Variants in HADHB observed in about 807,000 individuals in gnomAD.
HADHB encodes the protein hydroxyacyl-CoA dehydrogenase trifunctional multienzyme complex subunit beta.
HADHB carries 50 observed loss-of-function variants against 61.9 expected under a neutral mutation model. That is an observed-to-expected ratio of 0.81 (90% CI 0.64 to 1.02). HADHB has a LOEUF of 1.02. HADHB is among the 50% of genes least tolerant of loss of function. HADHB has a pLI of 0.00. For missense variants in HADHB, 504 were observed against 586.5 expected, an observed-to-expected ratio of 0.86 and a Z score of 1.45; for synonymous variants, 191 against 201.6, an observed-to-expected ratio of 0.95 and a Z score of 0.45.
At chr2:26,272,386 C>T (rs1408362552) in intron 5 of HADHB, among the ~76,000 whole-genome samples, 1 of 144,544 alleles carries the variant, frequency 6.9e-6, no homozygotes, top group Non-Finnish European at 1.5e-5. Flanking sequence ...GCTCTTGTTG[C>T]GCAAATTGGA....
At chr2:26,278,523 G>C (rs1441588696) in intron 7 of HADHB, 91 bp from the exon 8 acceptor site, 5 of 1,070,974 alleles carry the variant, frequency 4.7e-6, no homozygotes, top group Middle Eastern at 2.4e-4. Context: ...GCTGATAACT[G>C]TCATTCAGCT....
intron 4 of HADHB, among the ~76,000 whole-genome samples, chr2:26,268,039 G>A (rs1379319790): frequency 6.6e-6 from 1 of 152,096 alleles, no homozygotes; most frequent in African/African-American, 2.4e-5. Context: ...CTACAAGGGA[G>A]GCCGAAGTGG....
chr2:26,284,179 CT>C lies in HADHB; in HGVS notation c.1128del (p.Phe376LeufsTer79). 1 of 1,583,904 alleles carries C rather than the reference CT, an allele frequency of 6.3e-7. No homozygotes were observed. The highest frequency in any genetic ancestry group is 8.7e-7 in the Non-Finnish European group (1 of 1,152,794). On this transcript the variant is annotated frameshift_variant, in exon 13 of 16. Transcript: ENST00000317799. LOFTEE classifies it high-confidence loss of function. ...GGATTGACCATGAATGATATTGATG[CT>C]TTTGAATTTCATGAAGCTTTCTCGG... ...KAGLTMNDID[A>X]FEFHEAFSGQ...
At chr2:26,261,310 A>G (rs1671857023) in intron 3 of HADHB, 1 of 424,204 alleles carries the variant, frequency 2.4e-6, no homozygotes, top group Non-Finnish European at 4.2e-6. Flanking sequence ...CTGTGGGAGA[A>G]CAGGCATTGC....
chr2:26,261,504 G>A (rs1574648973), intron 3 of HADHB: 2 of 159,110 alleles, frequency 1.3e-5, no homozygotes, highest in East Asian at 3.6e-4. Flanking sequence ...GCCAGGCGCA[G>A]TGCCTTATGC....
At chr2:26,272,610 A>G (rs887841290) in intron 5 of HADHB, among the ~76,000 whole-genome samples, 4 of 150,388 alleles carry the variant, frequency 2.7e-5, no homozygotes, top group Admixed American at 1.3e-4. Context: ...CGGCCTCCCA[A>G]AGTGCTAGGA....
intron 5 of HADHB, among the ~76,000 whole-genome samples, chr2:26,271,597 A>G (rs77085746): frequency 6.6e-4 from 101 of 152,280 alleles, no homozygotes; most frequent in Non-Finnish European, 1.2e-3. Flanking sequence ...TTCATTCCTT[A>G]GAGCTTTGCA....
At chr2:26,257,586 A>G (rs1671681179) in intron 3 of HADHB, among the ~76,000 whole-genome samples, 1 of 152,048 alleles carries the variant, frequency 6.6e-6, no homozygotes, top group Admixed American at 6.6e-5. Context: ...GGAGGTGGTA[A>G]GGTAGGTGAT....
chr2:26,289,569 A>G (rs1408761469), intron 15 of HADHB, among the ~76,000 whole-genome samples: 2 of 152,204 alleles, frequency 1.3e-5, no homozygotes, highest in African/African-American at 2.4e-5. Flanking sequence ...GTAGAGCATC[A>G]CTAGGAATTA....
chr2:26,285,739 G>GTTTTTTTTTTTTTTTTTTTTTTTTTTGTT (rs766742523), intron 15 of HADHB, among the ~76,000 whole-genome samples, 168 bp downstream of exon 15: 1 of 65,082 alleles, frequency 1.5e-5, no homozygotes, highest in Non-Finnish European at 2.9e-5. Flanking sequence ...TGTTTTTTGG[G>GTTTTTTTTTTTTTTTTTTTTTTTTTTGTT]TTTTTTTTTT....
intron 1 of HADHB, among the ~76,000 whole-genome samples, chr2:26,253,590 C>T (rs751663807): frequency 1.3e-5 from 2 of 152,094 alleles, no homozygotes; most frequent in Non-Finnish European, 2.9e-5. Context: ...CGGTAGCTCA[C>T]GCCTGTAATC....
intron 4 of HADHB, among the ~76,000 whole-genome samples, chr2:26,265,674 G>C (rs1672047288): frequency 6.6e-6 from 1 of 152,178 alleles, no homozygotes; most frequent in East Asian, 1.9e-4. Context: ...AACATTTGAT[G>C]ATTAGTATTT....
Position 26,265,040 on chromosome 2 carries a change from C to T in HADHB, c.209+1561C>T, listed in dbSNP as rs1374645912. Among the ~76,000 whole-genome samples the T allele has an allele frequency of 2.0e-5, 3 of 151,218 alleles. No individual in the cohort carries two copies. The East Asian group carries it at 5.8e-4, about 29-fold the overall frequency. On this transcript the variant is annotated intron_variant, in intron 4 of 15. Transcript: ENST00000317799. ...TAATGCTATAAGTAAATGGTAGTGA[C>T]GTTTCTTTATTCATCCTATTTTATC...
chr2:26,285,028 C>CT (rs1174232133), intron 14 of HADHB, 71 bp downstream of exon 14: 2 of 824,974 alleles, frequency 2.4e-6, no homozygotes, highest in East Asian at 4.9e-5. Flanking sequence ...GTTACCTGTT[C>CT]TTAAGAATAT....
At chr2:26,264,049 C>A (rs552105800) in intron 4 of HADHB, among the ~76,000 whole-genome samples, 2 of 152,168 alleles carry the variant, frequency 1.3e-5, no homozygotes, top group South Asian at 4.2e-4. Flanking sequence ...GTTAGTCTAT[C>A]CAAAAGCTGA....
chr2:26,272,955 C>T (rs561354870), intron 5 of HADHB, among the ~76,000 whole-genome samples: 4 of 151,926 alleles, frequency 2.6e-5, no homozygotes, highest in South Asian at 2.1e-4. Context: ...TCATGGCAGG[C>T]GCTTGTAGCC....
At chr2:26,260,399 TG>T (rs1671813244) in intron 3 of HADHB, 1 of 152,258 alleles carries the variant, frequency 6.6e-6, no homozygotes. Flanking sequence ...TTTTAAAATG[TG>T]GAATGACATG....
chr2:26,259,354 A>C (rs1671767989), intron 3 of HADHB, among the ~76,000 whole-genome samples: 1 of 152,232 alleles, frequency 6.6e-6, no homozygotes, highest in African/African-American at 2.4e-5. Flanking sequence ...TATTCAGTGT[A>C]GGCACAGTGA....
chr2:26,253,856 A>AT lies in HADHB; in HGVS notation c.-8-391_-8-390insT, dbSNP rs1412911485. 3.1e-4 allele frequency among the ~76,000 whole-genome samples: 36 copies of AT among 117,970 alleles called. 1 individual carries two copies. The highest frequency in any genetic ancestry group is 5.6e-4 in the African/African-American group (19 of 33,794). 77.4% of individuals were successfully genotyped at this position (117,970 alleles called of 152,430 possible). A position where few individuals can be genotyped will look rare whatever the true frequency, so the allele number is the denominator to read the frequency against. On this transcript the variant is annotated intron_variant, in intron 1 of 15. Transcript: ENST00000317799. Reference sequence around the variant, plus strand: ...CAACAAGAGCAAAACTCCATCTCAAAAAAATAAATAAATAAATAAATAAAT... The same window carrying AT: ...CAACAAGAGCAAAACTCCATCTCAAATAAAATAAATAAATAAATAAATAAAT...
Sources: allele counts gnomAD v4.1 joint callset (sites outside exome capture counted in the v4.1 genomes callset), GRCh38; gene constraint gnomAD v4.1.1; transcripts MANE v1.5; gene names NCBI Gene and HGNC (gene_info 2026-07-23, HGNC 2026-07-21).